PLXDC2: variants seen among roughly 807,000 people sequenced by gnomAD.
The protein encoded by PLXDC2 is plexin domain containing 2.
PLXDC2 carries 40 observed loss-of-function variants against 68.9 expected under a neutral mutation model. The ratio of observed to expected loss-of-function variants is 0.58; its 90% confidence interval spans 0.45 to 0.76. The LOEUF (loss-of-function observed/expected upper bound fraction) is 0.76, where lower values mean the gene tolerates loss of function less well. PLXDC2 is among the 30% of genes least tolerant of loss of function. The pLI is 0.00. For synonymous variants in PLXDC2, 243 were observed against 234.2 expected, an observed-to-expected ratio of 1.04 and a Z score of -0.34; for missense variants, 644 against 661.9, an observed-to-expected ratio of 0.97 and a Z score of 0.30.
intron 3 of PLXDC2, among the ~76,000 whole-genome samples, chr10:20,051,003 G>C (rs929640741): frequency 2.0e-5 from 3 of 152,044 alleles, no homozygotes; most frequent in African/African-American, 7.2e-5. Context: ...ATCAATGACA[G>C]ATTGGATAAA....
chr10:20,105,931 A>T (rs982206845), intron 4 of PLXDC2, among the ~76,000 whole-genome samples: 2 of 152,236 alleles, frequency 1.3e-5, no homozygotes, highest in African/African-American at 4.8e-5. Context: ...AAGCCTTGAA[A>T]AATATGATTA....
chr10:19,828,361 A>T (rs1243592407), intron 1 of PLXDC2, among the ~76,000 whole-genome samples: 3 of 152,186 alleles, frequency 2.0e-5, no homozygotes, highest in African/African-American at 7.2e-5. Flanking sequence ...AATAGAATTT[A>T]TTATTTTATT....
chr10:20,118,633 G>A (rs1833653902), intron 4 of PLXDC2, among the ~76,000 whole-genome samples: 1 of 152,082 alleles, frequency 6.6e-6, no homozygotes, highest in African/African-American at 2.4e-5. Context: ...TCAAGAAATG[G>A]GGTCATGATC....
At chr10:19,949,904 A>C (rs1007946564) in intron 1 of PLXDC2, among the ~76,000 whole-genome samples, 6 of 152,244 alleles carry the variant, frequency 3.9e-5, no homozygotes, top group Non-Finnish European at 8.8e-5. Context: ...TATGATAGGC[A>C]GATACATTAT....
intron 2 of PLXDC2, among the ~76,000 whole-genome samples, chr10:20,034,705 A>G (rs1260459563): frequency 6.6e-6 from 1 of 152,232 alleles, no homozygotes; most frequent in African/African-American, 2.4e-5. Flanking sequence ...CATGTGATAC[A>G]TACAACATTT....
intron 3 of PLXDC2, among the ~76,000 whole-genome samples, chr10:20,059,408 T>C (rs1028770807): frequency 2.0e-5 from 3 of 152,208 alleles, no homozygotes; most frequent in African/African-American, 7.2e-5. Flanking sequence ...TCAAAAGATA[T>C]GGTGATTGTT....
At chr10:19,873,230 A>G (rs1837573457) in intron 1 of PLXDC2, among the ~76,000 whole-genome samples, 1 of 152,026 alleles carries the variant, frequency 6.6e-6, no homozygotes. Flanking sequence ...ACAAAACAAA[A>G]CAAAACTCTT....
chr10:20,160,645 A>C (rs1834278264), intron 6 of PLXDC2, among the ~76,000 whole-genome samples: 1 of 152,170 alleles, frequency 6.6e-6, no homozygotes, highest in Admixed American at 6.6e-5. Flanking sequence ...GGTTTCGGGT[A>C]AATTTTTCTC....
intron 4 of PLXDC2, among the ~76,000 whole-genome samples, chr10:20,081,715 A>G (rs546101129): frequency 1.2e-4 from 19 of 152,130 alleles, no homozygotes; most frequent in Non-Finnish European, 1.5e-4. Flanking sequence ...CTCAACCAGT[A>G]TTCCTCAACT....
chr10:20,129,853 T>A (rs554244502), intron 4 of PLXDC2, among the ~76,000 whole-genome samples: 9 of 152,116 alleles, frequency 5.9e-5, no homozygotes, highest in Non-Finnish European at 1.2e-4. Flanking sequence ...CTGTCTATTC[T>A]GTTCCTTTGG....
At chr10:19,945,439 G>C (rs1236033313) in intron 1 of PLXDC2, among the ~76,000 whole-genome samples, 1 of 152,150 alleles carries the variant, frequency 6.6e-6, no homozygotes, top group Non-Finnish European at 1.5e-5. Context: ...CCTTCAATTT[G>C]TTTGGAATTG....
intron 1 of PLXDC2, among the ~76,000 whole-genome samples, chr10:19,918,977 C>G (rs1833415348): frequency 6.6e-6 from 1 of 152,118 alleles, no homozygotes; most frequent in Non-Finnish European, 1.5e-5. Flanking sequence ...AGGTCTGTCT[C>G]CCAGGAAACA....
intron 2 of PLXDC2, among the ~76,000 whole-genome samples, chr10:20,034,182 C>T (rs1261612341): frequency 6.6e-6 from 1 of 152,104 alleles, no homozygotes; most frequent in Non-Finnish European, 1.5e-5. Context: ...TTTACCTGTC[C>T]TTCCTGTCAA....
At chr10:19,969,717 T>C (rs569348677) in intron 1 of PLXDC2, among the ~76,000 whole-genome samples, 1 of 152,334 alleles carries the variant, frequency 6.6e-6, no homozygotes, top group Admixed American at 6.5e-5. Flanking sequence ...ATAATTCTTA[T>C]TCTGACTATA....
At chr10:20,223,910 T>C (rs1304947582) in intron 12 of PLXDC2, among the ~76,000 whole-genome samples, 1 of 152,142 alleles carries the variant, frequency 6.6e-6, no homozygotes, top group Non-Finnish European at 1.5e-5. Flanking sequence ...TTAAGCCTTC[T>C]TGGTTTCTCT....
intron 1 of PLXDC2, among the ~76,000 whole-genome samples, chr10:19,911,467 C>T (rs1833270686): frequency 2.0e-5 from 3 of 152,034 alleles, no homozygotes; most frequent in South Asian, 4.2e-4. Context: ...TATAAAATTT[C>T]CCATATACCT....
chr10:20,113,520 T>C (rs1013924183), intron 4 of PLXDC2, among the ~76,000 whole-genome samples: 5 of 152,172 alleles, frequency 3.3e-5, no homozygotes, highest in Admixed American at 1.3e-4. Context: ...GCCAATTCCA[T>C]CCTTCCATGG....
intron 13 of PLXDC2, among the ~76,000 whole-genome samples, chr10:20,263,349 A>C (rs1170664306): frequency 2.0e-5 from 3 of 152,216 alleles, no homozygotes; most frequent in African/African-American, 7.2e-5. Context: ...CCATACACAA[A>C]AATCTACTCA....
rs1836105787 is a variant in PLXDC2 at position 20,283,358 on chromosome 10, T to G, written c.*3539T>G. ...AAGATTATTATGCAACCTGATTAAA[T>G]GTACAGATGTGCAGACTCTTAAAAA... On this transcript the variant is annotated 3_prime_UTR_variant, in exon 14 of 14. Coordinates refer to ENST00000377252, the MANE Select transcript of PLXDC2 (RefSeq NM_032812.9). The G allele has an allele frequency of 6.6e-6, 1 of 152,234 alleles. No individual in the cohort carries two copies. The highest frequency in any genetic ancestry group is 2.1e-4 in the South Asian group (1 of 4,834). 9.4% of individuals were successfully genotyped at this position (152,234 alleles called of 1,614,324 possible).
Sources: allele counts gnomAD v4.1 joint callset (sites outside exome capture counted in the v4.1 genomes callset), GRCh38; gene constraint gnomAD v4.1.1; transcripts MANE v1.5; gene names NCBI Gene and HGNC (gene_info 2026-07-23, HGNC 2026-07-21).